Variants in PIK3C3 observed in about 807,000 individuals in gnomAD.
PIK3C3 encodes PI3-kinase type 3.
PIK3C3 carries 95 observed loss-of-function variants against 126.1 expected under a neutral mutation model. The observed-to-expected ratio is 0.75, with a 90% CI of 0.64 to 0.89. PIK3C3 has a LOEUF of 0.89. Ranked by LOEUF, PIK3C3 falls within the 40% of genes least tolerant of loss-of-function variation. The pLI is 0.00. For missense variants in PIK3C3, 829 were observed against 1,063.2 expected, an observed-to-expected ratio of 0.78 and a Z score of 3.06; for synonymous variants, 374 against 360.0, an observed-to-expected ratio of 1.04 and a Z score of -0.44.
At chr18:42,007,162 C>A (rs984261610) in intron 10 of PIK3C3, among the ~76,000 whole-genome samples, 19 of 152,126 alleles carry the variant, frequency 1.2e-4, no homozygotes, top group African/African-American at 4.6e-4. Flanking sequence ...GCCACCACAC[C>A]CGGCCTTAAA....
At chr18:41,960,978 G>C (rs569731306) in intron 2 of PIK3C3, among the ~76,000 whole-genome samples, 1 of 152,144 alleles carries the variant, frequency 6.6e-6, no homozygotes, top group South Asian at 2.1e-4. Context: ...CTGACCTCAA[G>C]TGATCTGCCT....
At chr18:42,061,923 A>G (rs896282363) in intron 22 of PIK3C3, among the ~76,000 whole-genome samples, 11 of 150,810 alleles carry the variant, frequency 7.3e-5, no homozygotes, top group African/African-American at 2.4e-4. Flanking sequence ...TTTTTTTTTT[A>G]ACATTGATCC....
At chr18:41,996,774 C>G in intron 9 of PIK3C3, 44 bp downstream of exon 9, 1 of 963,998 alleles carries the variant, frequency 1.0e-6, no homozygotes, top group South Asian at 1.5e-5. Flanking sequence ...TATCTACCAA[C>G]TTTGTTATTA....
chr18:41,998,842 G>A (rs982840438), intron 9 of PIK3C3, among the ~76,000 whole-genome samples: 2 of 152,226 alleles, frequency 1.3e-5, no homozygotes, highest in African/African-American at 4.8e-5. Flanking sequence ...GATGGGTTTT[G>A]TGAAAAACGG....
At chr18:42,041,960 A>T (rs938952971) in intron 19 of PIK3C3, among the ~76,000 whole-genome samples, 1 of 152,200 alleles carries the variant, frequency 6.6e-6, no homozygotes, top group Non-Finnish European at 1.5e-5. Context: ...TAAGGTTGCA[A>T]TCTTTGGAAA....
chr18:42,012,713 T>G (rs1982885748), intron 10 of PIK3C3, among the ~76,000 whole-genome samples: 1 of 152,192 alleles, frequency 6.6e-6, no homozygotes, highest in Non-Finnish European at 1.5e-5. Flanking sequence ...AAGTGAAAGC[T>G]ACTTTGTTGA....
intron 20 of PIK3C3, among the ~76,000 whole-genome samples, chr18:42,048,457 A>G (rs1340169484): frequency 6.6e-6 from 1 of 152,188 alleles, no homozygotes; most frequent in Non-Finnish European, 1.5e-5. Flanking sequence ...ATCCCAGCCC[A>G]GTGACTTTGA....
At chr18:41,956,189 T>C (rs16975453) in intron 1 of PIK3C3, among the ~76,000 whole-genome samples, 6,353 of 152,282 alleles carry the variant, frequency 0.042, 464 homozygotes, top group African/African-American at 0.14. Flanking sequence ...AACAAATATG[T>C]GTCGGTCAAA....
At chr18:42,030,983 A>G (rs1304729878) in intron 15 of PIK3C3, among the ~76,000 whole-genome samples, 1 of 152,212 alleles carries the variant, frequency 6.6e-6, no homozygotes, top group South Asian at 2.1e-4. Context: ...CACATAGCCT[A>G]TATTTTAAGC....
rs1208260506 is a variant in PIK3C3, at chr18:42,081,378, TAATA to T, written c.*245_*248del. 7.7e-6 allele frequency: 3 copies of T among 387,978 alleles called. No individual in the cohort carries two copies. The highest frequency in any genetic ancestry group is 1.4e-5 in the Non-Finnish European group (3 of 215,616). The allele number at this position is 387,978 out of a possible 1,614,324, so 24.0% of individuals were successfully genotyped here. On this transcript the variant is annotated 3_prime_UTR_variant, in exon 25 of 25. Coordinates refer to ENST00000262039, the MANE Select transcript of PIK3C3 (RefSeq NM_002647.4). ...ATATTTTTTCAAATGTATACATTGT[TAATA>T]AATTAAGAAATGAGAAACATTCTTA...
chr18:42,084,086 A>G lies in PIK3C3; in HGVS notation c.*2949A>G, dbSNP rs1986339154. The G allele has an allele frequency of 2.0e-5, 3 of 152,228 alleles. No individual in the cohort carries two copies. The highest frequency in any genetic ancestry group is 2.0e-4 in the Admixed American group (3 of 15,288). The allele number at this position is 152,228 out of a possible 1,614,324, so 9.4% of individuals were successfully genotyped here. A position where few individuals can be genotyped will look rare whatever the true frequency, so the allele number is the denominator to read the frequency against. On this transcript the variant is annotated 3_prime_UTR_variant, in exon 25 of 25. Transcript: ENST00000262039. ...GAAAGGTGTTGTGTCATCATGCCAC[A>G]TATTCATACTTTCCTTGGGTTGGAA... is the stretch of plus-strand genomic sequence containing the variant.
At chr18:41,956,975 A>G (rs1275242177) in intron 1 of PIK3C3, among the ~76,000 whole-genome samples, 2 of 152,222 alleles carry the variant, frequency 1.3e-5, no homozygotes, top group Admixed American at 6.5e-5. Context: ...GTGCATATCT[A>G]TTTATGACTT....
intron 10 of PIK3C3, among the ~76,000 whole-genome samples, chr18:42,007,370 G>GT (rs1020351771): frequency 6.6e-6 from 1 of 151,392 alleles, no homozygotes; most frequent in African/African-American, 2.4e-5. Flanking sequence ...TTTATTTACA[G>GT]TTTTTTTACA....
intron 13 of PIK3C3, chr18:42,026,109 G>A (rs1382364378): frequency 6.6e-6 from 1 of 152,208 alleles, no homozygotes; most frequent in East Asian, 1.9e-4. Context: ...ATAAAACAGT[G>A]TGAAAGTCAA....
chr18:42,068,777 T>C (rs368225788), intron 24 of PIK3C3, among the ~76,000 whole-genome samples: 68 of 151,914 alleles, frequency 4.5e-4, no homozygotes, highest in East Asian at 3.9e-3. Context: ...AGTGAAACCC[T>C]GTCTCTACTA....
chr18:42,020,712 A>G lies in PIK3C3; in HGVS notation c.1484+7A>G. On this transcript the variant is annotated splice_region_variant and intron_variant, in intron 13 of 24. Coordinates refer to ENST00000262039, the MANE Select transcript of PIK3C3 (RefSeq NM_002647.4). Reference sequence around the variant, plus strand: ...TGGCTAATTATTTATACTGGTATGTAAAAATAATTTTCTGTTTATTTTCTT... The same window carrying G: ...TGGCTAATTATTTATACTGGTATGTGAAAATAATTTTCTGTTTATTTTCTT... 6.6e-7 allele frequency: 1 copy of G among 1,514,366 alleles called. No homozygotes were observed. 93.8% of individuals were successfully genotyped at this position (1,514,366 alleles called of 1,614,324 possible).
At chr18:42,017,052 T>C (rs990569123) in intron 12 of PIK3C3, among the ~76,000 whole-genome samples, 7 of 152,146 alleles carry the variant, frequency 4.6e-5, no homozygotes, top group African/African-American at 1.7e-4. Flanking sequence ...TTTAACTTTT[T>C]GTCAGCTGAA....
chr18:42,046,831 T>A (rs1984579390), intron 20 of PIK3C3, among the ~76,000 whole-genome samples: 1 of 152,120 alleles, frequency 6.6e-6, no homozygotes, highest in South Asian at 2.1e-4. Context: ...CACTCTAAAT[T>A]TTCATCTTTA....
At chr18:42,074,019 A>G (rs1985880176) in intron 24 of PIK3C3, among the ~76,000 whole-genome samples, 1 of 152,204 alleles carries the variant, frequency 6.6e-6, no homozygotes, top group Non-Finnish European at 1.5e-5. Context: ...GACAGTTAAG[A>G]GATCAGTACT....
Sources: gnomAD v4.1 joint callset for allele counts (sites outside exome capture counted in the v4.1 genomes callset) on GRCh38, gnomAD v4.1.1 for gene constraint, MANE v1.5 for transcripts, NCBI Gene and HGNC (gene_info 2026-07-23, HGNC 2026-07-21) for gene names.